The following SCAF8 variants were observed in gnomAD, a reference collection of about 807,000 sequenced individuals.
The protein encoded by SCAF8 is SR-related and CTD-associated factor 8.
In SCAF8, 23 loss-of-function variants were observed where a neutral mutation model predicts 140.5. The ratio of observed to expected loss-of-function variants is 0.16; its 90% CI spans 0.12 to 0.23. The LOEUF (loss-of-function observed/expected upper bound fraction) is 0.23, where lower values mean the gene tolerates loss of function less well. Ranked by LOEUF, SCAF8 falls within the 10% of genes least tolerant of loss-of-function variation. The pLI, the probability that SCAF8 is intolerant of heterozygous loss-of-function variation, is 1.00. For missense variants in SCAF8, 1,397 were observed against 1,555.7 expected, an observed-to-expected ratio of 0.90 and a Z score of 1.72; for synonymous variants, 575 against 528.9, an observed-to-expected ratio of 1.09 and a Z score of -1.20.
At chr6:154,786,414 G>T (rs1777261574) in intron 3 of SCAF8, among the ~76,000 whole-genome samples, 1 of 152,234 alleles carries the variant, frequency 6.6e-6, no homozygotes, top group Non-Finnish European at 1.5e-5. Flanking sequence ...ATTTGGGGAG[G>T]TTCAGACTCT....
intron 1 of SCAF8, among the ~76,000 whole-genome samples, chr6:154,763,022 A>G (rs1338817990): frequency 2.0e-5 from 3 of 152,136 alleles, no homozygotes; most frequent in African/African-American, 7.2e-5. Context: ...TCTCCATGAT[A>G]AAGTGTTTTC....
intron 6 of SCAF8, among the ~76,000 whole-genome samples, chr6:154,796,456 T>C (rs1240177969): frequency 1.3e-5 from 2 of 151,874 alleles, no homozygotes; most frequent in South Asian, 2.1e-4. Flanking sequence ...TTAAATATTC[T>C]GTAATTTTTG....
At chr6:154,770,747 TTTG>T (rs1041376501) in intron 1 of SCAF8, among the ~76,000 whole-genome samples, 12 of 152,106 alleles carry the variant, frequency 7.9e-5, no homozygotes, top group East Asian at 3.9e-4. Context: ...TAAACTGGTT[TTTG>T]TTGTTGTTGT....
At chr6:154,771,043 C>A (rs1486626627) in intron 1 of SCAF8, among the ~76,000 whole-genome samples, 1 of 152,194 alleles carries the variant, frequency 6.6e-6, no homozygotes, top group African/African-American at 2.4e-5. Flanking sequence ...CTATGCCTGA[C>A]CTTGGTTAAA....
Position 154,822,545 on chromosome 6 carries a change from A to G in SCAF8, c.1926+136A>G, listed in dbSNP as rs183369227. The G allele has an allele frequency of 1.3e-3, 1,182 of 892,366 alleles. 1 individual carries two copies. Among genetic ancestry groups the G allele is most frequent in the Non-Finnish European group, 1.8e-3 (1,092 of 611,426 alleles). 55.3% of individuals were successfully genotyped at this position (892,366 alleles called of 1,614,324 possible). A position where few individuals can be genotyped will look rare whatever the true frequency, so the allele number is the denominator to read the frequency against. On this transcript the variant is annotated intron_variant, in intron 16 of 19. Transcript: ENST00000367178. ...TTTGTCAGTAGTGTTAGGGAAAAGA[A>G]TATTTCTTTTAAATAAAAAAAAAGT...
At chr6:154,827,648 GA>G (rs1469236946) in intron 18 of SCAF8, among the ~76,000 whole-genome samples, 2 of 152,204 alleles carry the variant, frequency 1.3e-5, no homozygotes, top group East Asian at 3.9e-4. Flanking sequence ...TTGTGGTACT[GA>G]AATTACTGTC....
chr6:154,752,567 G>A (rs572863242), intron 1 of SCAF8, among the ~76,000 whole-genome samples: 1 of 152,170 alleles, frequency 6.6e-6, no homozygotes, highest in South Asian at 2.1e-4. Flanking sequence ...GCCCTGGAAA[G>A]TATCTTCATA....
chr6:154,788,243 A>G (rs1777310194), intron 4 of SCAF8, among the ~76,000 whole-genome samples: 1 of 152,134 alleles, frequency 6.6e-6, no homozygotes, highest in Non-Finnish European at 1.5e-5. Flanking sequence ...AAAATTGCCT[A>G]CAGTATGCAG....
Position 154,780,354 on chromosome 6 carries a change from CT to C in SCAF8, c.159+2327del, listed in dbSNP as rs74777379. ...GTTGCATGTATCAAATAGTTCCTTC[CT>C]TTTTTTTTTTTTTTTTTAAATTTAA... On this transcript the variant is annotated intron_variant, in intron 3 of 19. Coordinates refer to ENST00000367178, the MANE Select transcript of SCAF8 (RefSeq NM_014892.5). Among the ~76,000 whole-genome samples the C allele has an allele frequency of 6.0e-3, 813 of 135,398 alleles. 1 individual carries two copies. The highest frequency in any genetic ancestry group is 0.012 in the Middle Eastern group (3 of 250). 88.8% of individuals were successfully genotyped at this position (135,398 alleles called of 152,430 possible).
chr6:154,753,275 A>C (rs999000721), intron 1 of SCAF8, among the ~76,000 whole-genome samples: 7 of 152,114 alleles, frequency 4.6e-5, no homozygotes, highest in Non-Finnish European at 8.8e-5. Context: ...GGACCAGCCT[A>C]GTCAATACGG....
chr6:154,777,834 C>T lies in SCAF8; in HGVS notation c.115-167C>T, dbSNP rs537447235. 6.2e-4 allele frequency among the ~76,000 whole-genome samples: 95 copies of T among 152,304 alleles called. 5 individuals are homozygous for T. In the South Asian group the frequency reaches 0.017, roughly 27 times the overall value. Reference sequence around the variant, plus strand: ...GAAGCCCTTTACTAATTATATAGCACAGCTAGTTGCATATAAAGGTGAGTG... The same window carrying T: ...GAAGCCCTTTACTAATTATATAGCATAGCTAGTTGCATATAAAGGTGAGTG... On this transcript the variant is annotated intron_variant, in intron 2 of 19. Transcript: ENST00000367178.
At chr6:154,798,191 T>A (rs930102483) in intron 6 of SCAF8, among the ~76,000 whole-genome samples, 1 of 151,518 alleles carries the variant, frequency 6.6e-6, no homozygotes, top group African/African-American at 2.4e-5. Flanking sequence ...GTAATTAAAT[T>A]TAAAATTAAT....
chr6:154,784,153 A>ATATATATT (rs1562444235), intron 3 of SCAF8, among the ~76,000 whole-genome samples: 23 of 109,334 alleles, frequency 2.1e-4, no homozygotes, highest in Admixed American at 7.1e-4. Context: ...ATATATATAT[A>ATATATATT]TATATTTATT....
At position 154,822,379 on chromosome 6, in the gene SCAF8, G is replaced by A; in HGVS notation, c.1896G>A (p.Glu632=). ...EKETVVTTQA[E]VFPPPVAMLQ... is the part of the protein sequence containing the mutation. Reference sequence around the variant, plus strand: ...AGACAGTGGTCACAACCCAGGCAGAGGTTTTCCCTCCTCCTGTTGCTATGT... The same window carrying A: ...AGACAGTGGTCACAACCCAGGCAGAAGTTTTCCCTCCTCCTGTTGCTATGT... Residue 632 remains glutamate (E), a synonymous_variant, in exon 16 of 20, where the codon GAG becomes GAA. Transcript: ENST00000367178. 1 of 1,613,266 alleles carries A rather than the reference G, an allele frequency of 6.2e-7. No homozygotes were observed. The highest frequency in any genetic ancestry group is 8.5e-7 in the Non-Finnish European group (1 of 1,179,564).
In SCAF8 at chr6:154,833,179, A is replaced by C. The variant is rs1193501970; in HGVS notation, c.3600A>C (p.Glu1200Asp). Residue 1200 changes from glutamate (E) to aspartate (D), a missense_variant, in exon 20 of 20, where the codon GAA becomes GAC. Physicochemically the swap from Glu to Asp is conservative, Grantham distance 45. This residue lies in a region of SCAF8 where 930 missense variants were observed against 874.6 expected (regional missense o/e 1.06). Transcript: ENST00000367178. ...ATGCTCGGGTTTTTGATTATTTTGA[A>C]GGGGCCACTTCTCAACGAAAAGGTG... is the stretch of plus-strand genomic sequence containing the variant. ...PPHARVFDYF[E>D]GATSQRKGDN... 5.0e-6 allele frequency: 8 copies of C among 1,614,106 alleles called. No homozygotes were observed. Among genetic ancestry groups the C allele is most frequent in the Non-Finnish European group, 6.8e-6 (8 of 1,179,986 alleles).
intron 1 of SCAF8, among the ~76,000 whole-genome samples, chr6:154,734,725 A>T (rs1432009156): frequency 1.3e-5 from 2 of 152,230 alleles, no homozygotes; most frequent in East Asian, 1.9e-4. Context: ...TGATGTATTC[A>T]ATTTCTTTTT....
chr6:154,802,261 C>T (rs546919317), intron 7 of SCAF8, 114 bp downstream of exon 7: 18 of 527,190 alleles, frequency 3.4e-5, no homozygotes, highest in Non-Finnish European at 4.8e-5. Context: ...CTCCTGTACA[C>T]TGTATAAGAC....
chr6:154,794,780 G>T (rs190018920), intron 5 of SCAF8, among the ~76,000 whole-genome samples: 864 of 12,252 alleles, frequency 0.071, 37 homozygotes, highest in African/African-American at 0.11. Context: ...GGGTGTGGGG[G>T]GTGTGTGTGT....
In SCAF8 at chr6:154,808,739, A is replaced by G; in HGVS notation, c.1167A>G (p.Gln389=). Residue 389 remains glutamine, a synonymous_variant, in exon 11 of 20, where the codon CAA becomes CAG. Transcript: ENST00000367178. ...QDGVEEEVFE[Q]EAKKVAVRSR... ...GAGTGGAAGAGGAGGTCTTTGAACA[A>G]GAAGCTAAGAAAGTGGCGGTTCGCT... 1.2e-6 allele frequency: 2 copies of G among 1,614,016 alleles called. No individual in the cohort carries two copies. The highest frequency in any genetic ancestry group is 1.7e-6 in the Non-Finnish European group (2 of 1,179,904).
Sources: allele counts gnomAD v4.1 joint callset (sites outside exome capture counted in the v4.1 genomes callset), GRCh38; gene constraint gnomAD v4.1.1; regional missense constraint gnomAD v4.1.1; transcripts MANE v1.5; gene names NCBI Gene and HGNC (gene_info 2026-07-23, HGNC 2026-07-21).